Variants in CHD7 observed in about 807,000 individuals in gnomAD.
CHD7 encodes the protein ATP-dependent chromatin remodeler CHD7.
A neutral mutation model predicts 307.3 loss-of-function variants in CHD7; 24 were observed. That is an observed-to-expected ratio of 0.08 (90% confidence interval 0.06 to 0.11). The LOEUF is 0.11. Ranked by LOEUF, CHD7 falls within the 10% of genes least tolerant of loss-of-function variation. The pLI is 1.00. For missense variants in CHD7, 3,106 were observed against 3,727.1 expected (o/e 0.83, Z 4.34); for synonymous variants, 1,363 against 1,349.9 (o/e 1.01, Z -0.21).
intron 2 of CHD7, among the ~76,000 whole-genome samples, chr8:60,755,274 A>G (rs937686036): frequency 1.3e-5 from 2 of 151,264 alleles, no homozygotes; most frequent in Admixed American, 6.6e-5. Flanking sequence ...TTTTTCAAAT[A>G]AGTAAGGAAG....
chr8:60,850,840 C>A, intron 26 of CHD7, 192 bp from the exon 27 acceptor site: 1 of 687,650 alleles, frequency 1.5e-6, no homozygotes, highest in Admixed American at 2.9e-5. Flanking sequence ...AATGTCATTT[C>A]CCGCAATCTC....
intron 3 of CHD7, among the ~76,000 whole-genome samples, chr8:60,790,612 G>A (rs1032657988): frequency 1.3e-5 from 2 of 152,092 alleles, no homozygotes; most frequent in Admixed American, 1.3e-4. Flanking sequence ...GGCTATGTAT[G>A]TTTCTGCTGT....
intron 18 of CHD7, 95 bp downstream of exon 18, chr8:60,837,930 A>G (rs1179666691): frequency 8.3e-6 from 11 of 1,327,574 alleles, no homozygotes; most frequent in Non-Finnish European, 1.1e-5. Flanking sequence ...TTATTTTTCG[A>G]CCTCAATATT....
At chr8:60,711,477 G>A (rs766237043) in intron 1 of CHD7, among the ~76,000 whole-genome samples, 13 of 152,174 alleles carry the variant, frequency 8.5e-5, no homozygotes, top group Non-Finnish European at 1.6e-4. Context: ...ATGGCTCAGA[G>A]GTTAATTCAA....
intron 32 of CHD7, among the ~76,000 whole-genome samples, chr8:60,854,824 G>A (rs927922219): frequency 6.6e-6 from 1 of 152,128 alleles, no homozygotes; most frequent in African/African-American, 2.4e-5. Context: ...CCGTTGTCTA[G>A]CATAATGTAT....
intron 1 of CHD7, among the ~76,000 whole-genome samples, chr8:60,722,279 G>C (rs928495442): frequency 2.0e-5 from 3 of 152,186 alleles, no homozygotes; most frequent in Non-Finnish European, 4.4e-5. Flanking sequence ...GATTGAGACA[G>C]TGGAAATTAC....
intron 1 of CHD7, among the ~76,000 whole-genome samples, chr8:60,684,457 A>T (rs550589838): frequency 2.6e-5 from 4 of 152,196 alleles, no homozygotes; most frequent in Non-Finnish European, 4.4e-5. Flanking sequence ...CTCACACAAA[A>T]ACTAGAGCTA....
intron 37 of CHD7, 81 bp from the exon 38 acceptor site, chr8:60,864,935 G>A: frequency 1.5e-6 from 2 of 1,357,382 alleles, no homozygotes; most frequent in East Asian, 5.1e-5. Context: ...TGGAATGGCA[G>A]GTTCACCACA....
rs1241934151 is a variant in CHD7, at chr8:60,792,238, C to A, written c.2097-2748C>A. 1.3e-5 allele frequency among the ~76,000 whole-genome samples: 2 copies of A among 152,134 alleles called. 1 individual carries two copies. Among genetic ancestry groups the A allele is most frequent in the Non-Finnish European group, 2.9e-5 (2 of 68,022 alleles). On this transcript the variant is annotated intron_variant, in intron 3 of 37. Transcript: ENST00000423902. ...TACCTTTGTTTGTTAAAAGAAAAAT[C>A]TTGACTTGGATATTTTTGGACAAAG... is the stretch of plus-strand genomic sequence containing the variant.
intron 7 of CHD7, among the ~76,000 whole-genome samples, chr8:60,815,928 T>G (rs1027775375): frequency 6.6e-6 from 1 of 152,232 alleles, no homozygotes. Flanking sequence ...CTATTTTAAA[T>G]TTGAATTATT....
At chr8:60,764,905 G>T (rs1000536417) in intron 2 of CHD7, among the ~76,000 whole-genome samples, 1 of 152,178 alleles carries the variant, frequency 6.6e-6, no homozygotes, top group Non-Finnish European at 1.5e-5. Context: ...TTGCAATATT[G>T]CCTTGAAACA....
At chr8:60,796,206 GTAAC>G (rs1563608156) in intron 4 of CHD7, among the ~76,000 whole-genome samples, 1 of 152,186 alleles carries the variant, frequency 6.6e-6, no homozygotes, top group East Asian at 1.9e-4. Context: ...GTTTGGTTGT[GTAAC>G]TAACAGTGAT....
chr8:60,824,079 C>T (rs748147602), intron 13 of CHD7, 63 bp downstream of exon 13: 121 of 1,425,322 alleles, frequency 8.5e-5, no homozygotes, highest in Admixed American at 3.7e-4. Context: ...TTGATAGTCC[C>T]GTTGCTCAGA....
At chr8:60,730,604 T>C (rs1808399937) in intron 1 of CHD7, among the ~76,000 whole-genome samples, 1 of 152,186 alleles carries the variant, frequency 6.6e-6, no homozygotes, top group Non-Finnish European at 1.5e-5. Flanking sequence ...CTCACGCCTG[T>C]AATCCCAGTA....
In CHD7 at chr8:60,820,801, A is replaced by T. The variant is rs548440799; in HGVS notation, c.2697+711A>T. Among the ~76,000 whole-genome samples the T allele has an allele frequency of 6.6e-5, 10 of 152,310 alleles. No individual in the cohort carries two copies. The East Asian group carries it at 1.7e-3, about 26-fold the overall frequency. On this transcript the variant is annotated intron_variant, in intron 9 of 37. Transcript: ENST00000423902. ...CTCATTTTCTTCCAAACTCTGTGTC[A>T]TGACACTCTATGATGTTTCCAAGAC... is the stretch of plus-strand genomic sequence containing the variant.
At chr8:60,720,079 C>T (rs1183114791) in intron 1 of CHD7, among the ~76,000 whole-genome samples, 2 of 152,092 alleles carry the variant, frequency 1.3e-5, no homozygotes, top group African/African-American at 4.8e-5. Flanking sequence ...TACACAACTC[C>T]TTTTTTCCTG....
At chr8:60,699,029 G>A (rs1188225685) in intron 1 of CHD7, among the ~76,000 whole-genome samples, 2 of 152,156 alleles carry the variant, frequency 1.3e-5, no homozygotes, top group Non-Finnish European at 2.9e-5. Context: ...TACAGGTGTG[G>A]GCCACTGCCC....
intron 1 of CHD7, among the ~76,000 whole-genome samples, chr8:60,708,829 C>T (rs998349265): frequency 6.6e-5 from 10 of 152,206 alleles, no homozygotes; most frequent in African/African-American, 2.4e-4. Context: ...AACTTCCTTA[C>T]CTTATATTGT....
chr8:60,836,137 G>C lies in CHD7; in HGVS notation c.3843G>C (p.Gln1281His). Reference protein sequence around the residue: ...ETHNAESPDFQLQAMIQAAGK... With the variant: ...ETHNAESPDFHLQAMIQAAGK... ...ACAATGCAGAGTCTCCAGATTTTCA[G>C]CTCCAGGCAATGATCCAGGCTGCTG... Residue 1281 changes from glutamine to histidine, a missense_variant, in exon 16 of 38, where the codon CAG becomes CAC. Physicochemically the swap from Gln to His is conservative, Grantham distance 24 (BLOSUM62 0). Transcript: ENST00000423902. The C allele has an allele frequency of 3.7e-6, 6 of 1,613,586 alleles. No homozygotes were observed. Among genetic ancestry groups the C allele is most frequent in the South Asian group, 1.1e-5 (1 of 90,884 alleles).
Sources: allele counts gnomAD v4.1 joint callset (sites outside exome capture counted in the v4.1 genomes callset), GRCh38; gene constraint gnomAD v4.1.1; transcripts MANE v1.5; gene names NCBI Gene and HGNC (gene_info 2026-07-23, HGNC 2026-07-21).